Variants in TENM1 observed in about 807,000 individuals in gnomAD.
TENM1 encodes the protein teneurin-1.
TENM1 carries 35 observed loss-of-function variants against 174.8 expected under a neutral mutation model. That is an observed-to-expected ratio of 0.20 (90% CI 0.15 to 0.27). The LOEUF (loss-of-function observed/expected upper bound fraction) is 0.27, where lower values mean the gene tolerates loss of function less well. Ranked by LOEUF, TENM1 falls within the 10% of genes least tolerant of loss-of-function variation. The pLI, the probability that TENM1 is intolerant of heterozygous loss-of-function variation, is 1.00. For synonymous variants in TENM1, 781 were observed against 798.7 expected (o/e 0.98, Z 0.37); for missense variants, 1,633 against 2,130.1 (o/e 0.77, Z 4.59).
intron 16 of TENM1, among the ~76,000 whole-genome samples, chrX:124,528,518 G>T (rs1384152851): frequency 9.0e-6 from 1 of 111,033 alleles, no homozygotes; most frequent in Non-Finnish European, 1.9e-5. Flanking sequence ...GGTTGAAGAT[G>T]TTTGCAAGGG....
intron 5 of TENM1, among the ~76,000 whole-genome samples, chrX:124,687,384 G>A (rs1160389333): frequency 9.0e-6 from 1 of 111,328 alleles, no homozygotes; most frequent in African/African-American, 3.3e-5. Context: ...AGCCATATGT[G>A]GAAAACTGAA....
intron 7 of TENM1, among the ~76,000 whole-genome samples, chrX:124,653,220 G>T (rs1248974767): frequency 9.0e-6 from 1 of 111,450 alleles, no homozygotes; most frequent in Admixed American, 9.6e-5. Flanking sequence ...ATTAATATGC[G>T]TTCCTTCATT....
chrX:124,857,125 G>C lies in TENM1; in HGVS notation c.535+37171C>G, dbSNP rs754138927. Among the ~76,000 whole-genome samples the C allele has an allele frequency of 1.1e-3, 118 of 111,258 alleles. 2 individuals are homozygous for C. Among genetic ancestry groups the C allele is most frequent in the Admixed American group, 4.5e-3 (47 of 10,477 alleles). ...CTGCCTCTACATCTCACAGATAGTA[G>C]AGAAAAATTTTTCTTAGGACCACAG... On this transcript the variant is annotated intron_variant, in intron 3 of 31. Transcript: ENST00000422452.
intron 7 of TENM1, 30 bp downstream of exon 10, chrX:124,653,554 G>T: frequency 8.6e-7 from 1 of 1,168,432 alleles, no homozygotes; most frequent in Admixed American, 2.2e-5. Flanking sequence ...CTTGAAAAGG[G>T]TTTAAGAAAA....
chrX:125,080,773 T>C, the TENM1 span, among the ~76,000 whole-genome samples: 1 of 110,658 alleles, frequency 9.0e-6, no homozygotes, highest in Non-Finnish European at 1.9e-5. Context: ...CTACTGGAGA[T>C]GAGAAAGACA....
intron 14 of TENM1, among the ~76,000 whole-genome samples, chrX:124,559,711 ATAAT>A (rs1183565134): frequency 9.0e-6 from 1 of 111,498 alleles, no homozygotes; most frequent in Non-Finnish European, 1.9e-5. Flanking sequence ...ATTAAATGAA[ATAAT>A]TCACATAAGG....
At chrX:124,481,062 A>G (rs2046832018) in intron 22 of TENM1, among the ~76,000 whole-genome samples, 1 of 112,071 alleles carries the variant, frequency 8.9e-6, no homozygotes, top group African/African-American at 3.2e-5. Flanking sequence ...TTGAAGACTG[A>G]GAAGTAAATT....
At chrX:124,808,714 G>A (rs2055680713) in intron 3 of TENM1, among the ~76,000 whole-genome samples, 1 of 111,828 alleles carries the variant, frequency 8.9e-6, no homozygotes, top group Admixed American at 9.5e-5. Flanking sequence ...CAAGCAACAT[G>A]CTCTGGAATA....
the TENM1 span, among the ~76,000 whole-genome samples, chrX:125,172,621 G>A: frequency 9.0e-6 from 1 of 111,402 alleles, no homozygotes; most frequent in Non-Finnish European, 1.9e-5. Context: ...TAAATCTACT[G>A]CATTTGAAAA....
At chrX:124,385,285 A>G (rs1467665077) in intron 29 of TENM1, among the ~76,000 whole-genome samples, 2 of 112,220 alleles carry the variant, frequency 1.8e-5, no homozygotes, top group East Asian at 2.8e-4. Context: ...AATACATTAG[A>G]AAGTTCTGAC....
chrX:124,853,499 T>G (rs2056760878), intron 3 of TENM1, among the ~76,000 whole-genome samples: 1 of 111,378 alleles, frequency 9.0e-6, no homozygotes, highest in African/African-American at 3.3e-5. Context: ...GAAAGGACAT[T>G]TCTTACTGTG....
chrX:125,071,313 C>T, the TENM1 span, among the ~76,000 whole-genome samples: 2 of 111,659 alleles, frequency 1.8e-5, no homozygotes, highest in Non-Finnish European at 3.8e-5. Flanking sequence ...CTAAGCAAGC[C>T]TTTATGTTGA....
intron 1 of TENM1, among the ~76,000 whole-genome samples, chrX:124,931,871 GCACACA>G (rs34069865): frequency 2.5e-4 from 25 of 102,014 alleles, no homozygotes; most frequent in Admixed American, 1.1e-3. Context: ...CCAAGCGCAC[GCACACA>G]CACACACACA....
intron 11 of TENM1, among the ~76,000 whole-genome samples, chrX:124,585,384 A>G (rs1190656407): frequency 1.8e-5 from 2 of 111,037 alleles, no homozygotes; most frequent in Non-Finnish European, 3.8e-5. Context: ...TAAGAAACTC[A>G]CTCAAAACCG....
At chrX:125,112,449 C>T in the TENM1 span, among the ~76,000 whole-genome samples, 2 of 110,259 alleles carry the variant, frequency 1.8e-5, no homozygotes, top group Non-Finnish European at 3.8e-5. Flanking sequence ...ATGTATAAGG[C>T]AATAGTCAAA....
At chrX:125,141,091 C>T in the TENM1 span, among the ~76,000 whole-genome samples, 1 of 112,196 alleles carries the variant, frequency 8.9e-6, no homozygotes. Flanking sequence ...GAACCTGTGA[C>T]CTGTCACTCC....
intron 13 of TENM1, among the ~76,000 whole-genome samples, chrX:124,563,266 G>T (rs2048861546): frequency 9.1e-6 from 1 of 110,208 alleles, no homozygotes; most frequent in African/African-American, 3.3e-5. Flanking sequence ...CTTCTAGGAG[G>T]ATAATTCTCC....
chrX:124,540,260 A>G (rs2048289920), intron 15 of TENM1, among the ~76,000 whole-genome samples: 1 of 112,145 alleles, frequency 8.9e-6, no homozygotes, highest in Non-Finnish European at 1.9e-5. Context: ...TGAATGAGTG[A>G]ATGCATATCC....
At chrX:124,496,968 T>G in intron 20 of TENM1, 48 bp downstream of exon 23, 1 of 1,169,807 alleles carries the variant, frequency 8.5e-7, no homozygotes, top group Non-Finnish European at 1.2e-6. Context: ...TTATCTTGCT[T>G]TTTGCTTTAT....
Sources: gnomAD v4.1 joint callset for allele counts (sites outside exome capture counted in the v4.1 genomes callset) on GRCh38, gnomAD v4.1.1 for gene constraint, MANE v1.5 for transcripts, NCBI Gene and HGNC (gene_info 2026-07-23, HGNC 2026-07-21) for gene names.